Variants in MTSS1 observed in about 807,000 individuals in gnomAD.
MTSS1 encodes the protein protein MTSS 1.
Under a neutral mutation model 79.0 loss-of-function variants are expected in MTSS1, and 18 were observed. The observed-to-expected ratio is 0.23, with a 90% confidence interval of 0.16 to 0.34. The LOEUF (loss-of-function observed/expected upper bound fraction) is 0.34, where lower values mean the gene tolerates loss of function less well. Among genes scored for constraint, MTSS1 ranks in the 10% least tolerant of loss-of-function variants. The pLI, the probability that MTSS1 is intolerant of heterozygous loss-of-function variation, is 1.00. For synonymous variants in MTSS1, 341 were observed against 368.6 expected (o/e 0.93, Z 0.86); for missense variants, 815 against 986.2 (o/e 0.83, Z 2.33).
In MTSS1 at chr8:124,597,484, A is replaced by G. The variant is rs576073598; in HGVS notation, c.209-6249T>C. ...GAAAAGCAAAGTTTCCTTGCCCCCT[A>G]AAGTCCGAAGTCAGATTGCCCCTTG... On this transcript the variant is annotated intron_variant, in intron 3 of 13. Coordinates refer to ENST00000518547, the MANE Select transcript of MTSS1 (RefSeq NM_014751.6). This position sits in a 1 kb window ranked among gnomAD's most constrained non-coding sequence, Gnocchi z 4.6. 1.6e-4 allele frequency among the ~76,000 whole-genome samples: 25 copies of G among 152,346 alleles called. No individual in the cohort carries two copies. In the South Asian group the frequency reaches 3.7e-3, roughly 23 times the overall value.
Position 124,555,730 on chromosome 8 carries a change from G to A in MTSS1, c.1567+12C>T. 6.3e-7 allele frequency: 1 copy of A among 1,597,052 alleles called. No homozygotes were observed. Among genetic ancestry groups the A allele is most frequent in the Non-Finnish European group, 8.5e-7 (1 of 1,171,666 alleles). ...CAGAAAGCCTAAGTGCACACCCCAG[G>A]CTGCCTCGTACCTTGGGAAGGGATG... is the stretch of plus-strand genomic sequence containing the variant. On this transcript the variant is annotated intron_variant, in intron 13 of 13. Coordinates refer to ENST00000518547, the MANE Select transcript of MTSS1 (RefSeq NM_014751.6).
intron 8 of MTSS1, among the ~76,000 whole-genome samples, chr8:124,566,405 C>T (rs1454743575): frequency 6.6e-6 from 1 of 152,108 alleles, no homozygotes. Context: ...GAATAGAAAA[C>T]ATGAGCTCCC....
At position 124,582,312 on chromosome 8, in the gene MTSS1, A is replaced by G. The variant is rs1184342444; in HGVS notation, c.460+2775T>C. Among the ~76,000 whole-genome samples the G allele has an allele frequency of 2.6e-5, 4 of 152,188 alleles. No individual in the cohort carries two copies. The highest frequency in any genetic ancestry group is 1.3e-4 in the Admixed American group (2 of 15,270). ...ATATTTAAACACCTTTAGATTACAA[A>G]CCACCTCTCTATATAGTAAGAAAGA... On this transcript the variant is annotated intron_variant, in intron 6 of 13. Transcript: ENST00000518547. This position sits in a 1 kb window ranked among gnomAD's most constrained non-coding sequence, Gnocchi z 4.8.
intron 3 of MTSS1, among the ~76,000 whole-genome samples, chr8:124,595,158 T>C (rs768484459): frequency 1.3e-5 from 2 of 151,854 alleles, no homozygotes; most frequent in Non-Finnish European, 2.9e-5. Context: ...AATCCCCACA[T>C]ACTTGTTTAA....
At chr8:124,720,798 A>T (rs1364568845) in intron 1 of MTSS1, among the ~76,000 whole-genome samples, 2 of 152,234 alleles carry the variant, frequency 1.3e-5, no homozygotes. Context: ...CAAATCTACA[A>T]GACAGAATAG....
intron 7 of MTSS1, 119 bp from the exon 8 acceptor site, chr8:124,567,297 G>T: frequency 1.2e-6 from 1 of 828,230 alleles, no homozygotes; most frequent in Non-Finnish European, 1.9e-6. Context: ...AAAAGGCACT[G>T]TTGGGACTGG....
chr8:124,596,513 G>A (rs1158094952), intron 3 of MTSS1, among the ~76,000 whole-genome samples: 2 of 152,204 alleles, frequency 1.3e-5, no homozygotes, highest in East Asian at 3.8e-4. Context: ...CCATCCAGGG[G>A]CTGGGCTGCC....
At chr8:124,585,797 C>T (rs1587003694) in intron 5 of MTSS1, among the ~76,000 whole-genome samples, 1 of 151,928 alleles carries the variant, frequency 6.6e-6, no homozygotes, top group Non-Finnish European at 1.5e-5. Context: ...TTTCCCCGGG[C>T]CCAAATCCAC....
At chr8:124,662,239 C>G (rs574327286) in intron 3 of MTSS1, among the ~76,000 whole-genome samples, 1 of 152,256 alleles carries the variant, frequency 6.6e-6, no homozygotes, top group South Asian at 2.1e-4. Context: ...AGACCATAAT[C>G]CAATGACAAC....
intron 9 of MTSS1, chr8:124,564,777 A>AGC (rs1168782595): frequency 2.6e-5 from 4 of 151,622 alleles, no homozygotes; most frequent in Non-Finnish European, 4.4e-5. Flanking sequence ...TCCAGGATGC[A>AGC]GCGTCTTAGG....
At chr8:124,711,215 G>T (rs2135588203) in intron 1 of MTSS1, among the ~76,000 whole-genome samples, 1 of 152,294 alleles carries the variant, frequency 6.6e-6, no homozygotes, top group Non-Finnish European at 1.5e-5. Flanking sequence ...TTGCAGACAG[G>T]CAGGTTCTGA....
intron 9 of MTSS1, among the ~76,000 whole-genome samples, chr8:124,564,544 C>T (rs1013159874): frequency 6.6e-6 from 1 of 152,146 alleles, no homozygotes; most frequent in Non-Finnish European, 1.5e-5. Flanking sequence ...AGCAACTCCA[C>T]CCCGGCAGCC....
chr8:124,675,509 T>C (rs901286155), intron 3 of MTSS1, among the ~76,000 whole-genome samples: 1 of 152,200 alleles, frequency 6.6e-6, no homozygotes, highest in African/African-American at 2.4e-5. Flanking sequence ...TGAAGTGAAA[T>C]TGACATAAGA....
intron 6 of MTSS1, among the ~76,000 whole-genome samples, chr8:124,573,549 G>C (rs1054083245): frequency 2.6e-5 from 4 of 152,228 alleles, no homozygotes; most frequent in African/African-American, 9.6e-5. Flanking sequence ...ACACTTGCCT[G>C]GAAGGCGGCA....
Position 124,626,394 on chromosome 8 carries a change from C to G in MTSS1, c.209-35159G>C, listed in dbSNP as rs1204233521. Among the ~76,000 whole-genome samples the G allele has an allele frequency of 2.0e-5, 3 of 152,034 alleles. 1 individual carries two copies. The South Asian group carries it at 6.2e-4, about 32-fold the overall frequency. On this transcript the variant is annotated intron_variant, in intron 3 of 13. Transcript: ENST00000518547. ...GCACGCATCTGTAATCTCAGCTACTCGGGAAGCTGAGGTGGGAGGATAGCT... is the reference window on the plus strand; with the variant it reads ...GCACGCATCTGTAATCTCAGCTACTGGGGAAGCTGAGGTGGGAGGATAGCT...
At chr8:124,670,484 G>A (rs767398142) in intron 3 of MTSS1, among the ~76,000 whole-genome samples, 1 of 150,044 alleles carries the variant, frequency 6.7e-6, no homozygotes, top group African/African-American at 2.4e-5. Flanking sequence ...TGACGTCGTC[G>A]TACTTGCAAA....
intron 3 of MTSS1, among the ~76,000 whole-genome samples, chr8:124,634,704 CA>C (rs56964029): frequency 0.27 from 39,604 of 146,182 alleles, 6,140 homozygotes; most frequent in African/African-American, 0.44. Flanking sequence ...CTTGTAGCTT[CA>C]AAAAAAAAAA....
At chr8:124,685,562 G>A (rs993257098) in intron 3 of MTSS1, among the ~76,000 whole-genome samples, 5 of 152,290 alleles carry the variant, frequency 3.3e-5, no homozygotes, top group African/African-American at 1.2e-4. Context: ...AGGTAAGTCA[G>A]AGTCTGCAGG....
rs956971702 is a variant in MTSS1, at chr8:124,556,042, A to G, written c.1405-138T>C. The G allele has an allele frequency of 3.2e-6, 5 of 1,540,866 alleles. No individual in the cohort carries two copies. In the South Asian group the frequency reaches 3.6e-5, roughly 11 times the overall value. On this transcript the variant is annotated intron_variant, in intron 12 of 13. Coordinates refer to ENST00000518547, the MANE Select transcript of MTSS1 (RefSeq NM_014751.6). The stretch of plus-strand genomic sequence containing the variant: ...TGCTTGGGTCCCACTCTGACCCTAG[A>G]AAGTTCTGCCTCTCTCATTCCCACA...
Sources: gnomAD v4.1 joint callset for allele counts (sites outside exome capture counted in the v4.1 genomes callset) on GRCh38, gnomAD v4.1.1 for gene constraint, Gnocchi (gnomAD v3.1) non-coding constraint, MANE v1.5 for transcripts, NCBI Gene and HGNC (gene_info 2026-07-23, HGNC 2026-07-21) for gene names.